Variants in DLG4 observed in about 807,000 individuals in gnomAD.
The protein encoded by DLG4 is disks large homolog 4.
A neutral mutation model predicts 93.8 loss-of-function variants in DLG4; 7 were observed. The ratio of observed to expected loss-of-function variants is 0.07; its 90% CI spans 0.04 to 0.14. The LOEUF is 0.14. Ranked by LOEUF, DLG4 falls within the 10% of genes least tolerant of loss-of-function variation. The pLI is 1.00. For missense variants in DLG4, 545 were observed against 992.9 expected, an observed-to-expected ratio of 0.55 and a Z score of 6.06; for synonymous variants, 341 against 387.6, an observed-to-expected ratio of 0.88 and a Z score of 1.41.
chr17:7,218,846 A>C (rs2071057260), upstream of DLG4: 1 of 1,613,474 alleles, frequency 6.2e-7, no homozygotes, highest in African/African-American at 1.3e-5. Flanking sequence ...GGTCTCTGGG[A>C]CATCTCTCTC....
At position 7,196,286 on chromosome 17, in the gene DLG4, A is replaced by G. The variant is rs1464888412; in HGVS notation, c.1235T>C (p.Met412Thr). ...AGTCCCTGAGCCCAGGCTGCTGTTC[A>G]TGAGCTGTTCCCGAAGGTCGTGGAT... Reference protein sequence around the residue: ...AKIHDLREQLMNSSLGSGTAS... With the variant: ...AKIHDLREQLTNSSLGSGTAS... The change falls in exon 11 of 20, where the codon ATG becomes ACG. Residue 412 changes from methionine to threonine, a missense_variant. Met to Thr is a moderately conservative substitution (Grantham distance 81). Around this residue, in one of 5 missense-constraint regions of DLG4, gnomAD observed 428 missense variants for 741.4 expected, o/e 0.58. Transcript: ENST00000399506. This position sits in a 1 kb window ranked among gnomAD's most constrained non-coding sequence, Gnocchi z 8.3. The G allele has an allele frequency of 6.2e-7, 1 of 1,613,990 alleles. No individual in the cohort carries two copies. The highest frequency in any genetic ancestry group is 1.3e-5 in the African/African-American group (1 of 75,032).
Position 7,191,621 on chromosome 17 carries a change from G to A in DLG4, c.1977-263C>T, listed in dbSNP as rs939540636. The A allele has an allele frequency of 3.4e-6, 2 of 593,454 alleles. No individual in the cohort carries two copies. The highest frequency in any genetic ancestry group is 5.5e-5 in the East Asian group (2 of 36,126). 36.8% of individuals were successfully genotyped at this position (593,454 alleles called of 1,614,324 possible). ...GCCTTCAGCCCCAGAGATGGGATTCGGACTCCAATTCCCAACAGCCCTAGA... is the reference window on the plus strand; with the variant it reads ...GCCTTCAGCCCCAGAGATGGGATTCAGACTCCAATTCCCAACAGCCCTAGA... On this transcript the variant is annotated intron_variant, in intron 18 of 19. Transcript: ENST00000399506. This position sits in a 1 kb window ranked among gnomAD's most constrained non-coding sequence, Gnocchi z 6.6.
In DLG4 at chr17:7,194,202, C is replaced by T. The variant is rs771456357; in HGVS notation, c.1478+117G>A. 6.4e-6 allele frequency: 9 copies of T among 1,416,378 alleles called. No homozygotes were observed. Among genetic ancestry groups the T allele is most frequent in the African/African-American group, 1.4e-5 (1 of 69,966 alleles). The allele number at this position is 1,416,378 out of a possible 1,614,324, so 87.7% of individuals were successfully genotyped here. ...AGCCACGGACCCCAGGAGGGCCCAACAGACAAACCCCTAGGAGTTCAGAGG... is the reference window on the plus strand; with the variant it reads ...AGCCACGGACCCCAGGAGGGCCCAATAGACAAACCCCTAGGAGTTCAGAGG... On this transcript the variant is annotated intron_variant, in intron 12 of 19. Coordinates refer to ENST00000399506, the MANE Select transcript of DLG4 (RefSeq NM_001321075.3). The surrounding 1 kb of genome is among the most constrained non-coding windows in gnomAD (Gnocchi z 4.4).
chr17:7,205,243 T>C, intron 2 of DLG4: 1 of 899,420 alleles, frequency 1.1e-6, no homozygotes, highest in Admixed American at 6.2e-5. Context: ...CTCCCCCCAC[T>C]TCATTCGGGA....
At chr17:7,216,933 G>A (rs2070943289) in intron 1 of DLG4, among the ~76,000 whole-genome samples, 185 bp downstream of exon 1, 2 of 151,950 alleles carry the variant, frequency 1.3e-5, no homozygotes, top group African/African-American at 4.8e-5. Flanking sequence ...GATCACTCCA[G>A]GGGGCACCTG....
chr17:7,208,008 T>G lies in DLG4; in HGVS notation c.96+166A>C, dbSNP rs2142905080. 3.4e-5 allele frequency: 36 copies of G among 1,070,372 alleles called. No homozygotes were observed. Among genetic ancestry groups the G allele is most frequent in the Middle Eastern group, 3.2e-4 (1 of 3,116 alleles). 66.3% of individuals were successfully genotyped at this position (1,070,372 alleles called of 1,614,324 possible). On this transcript the variant is annotated intron_variant, in intron 2 of 19. Coordinates refer to ENST00000399506, the MANE Select transcript of DLG4 (RefSeq NM_001321075.3). The surrounding 1 kb of genome is among the most constrained non-coding windows in gnomAD (Gnocchi z 5.4). ...CGGCTCTCTCTCACCCTACCGGCCC[T>G]TAGGGATTGCTGCAGCTCCGAGGCT...
chr17:7,201,993 A>G (rs571194901), intron 8 of DLG4, among the ~76,000 whole-genome samples: 27 of 152,370 alleles, frequency 1.8e-4, no homozygotes, highest in African/African-American at 6.0e-4. Flanking sequence ...CACCATCTTA[A>G]GGAAAATTTC....
Position 7,187,266 on chromosome 17 carries a change from G to A in DLG4, c.*3442C>T, listed in dbSNP as rs938814855. Among the ~76,000 whole-genome samples, 5 of 147,122 alleles carry A rather than the reference G, an allele frequency of 3.4e-5. No homozygotes were observed. The highest frequency in any genetic ancestry group is 7.4e-5 in the African/African-American group (3 of 40,528). ...ACAAAATAATGCATGCAGGCCAGGC[G>A]CGGTGGCTCATGCCTGTAATCCTAG... On this transcript the variant is annotated 3_prime_UTR_variant, in exon 20 of 20. Coordinates refer to ENST00000399506, the MANE Select transcript of DLG4 (RefSeq NM_001321075.3).
intron 2 of DLG4, chr17:7,205,273 G>T: frequency 1.4e-6 from 1 of 726,388 alleles, no homozygotes; most frequent in Non-Finnish European, 1.7e-6. Flanking sequence ...AGTGGGGCGT[G>T]CCCAGGTCCC....
chr17:7,206,357 A>T (rs2070462847), intron 2 of DLG4, among the ~76,000 whole-genome samples: 1 of 150,648 alleles, frequency 6.6e-6, no homozygotes, highest in African/African-American at 2.5e-5. Flanking sequence ...TTCTCAATCA[A>T]CTCCCCTCTC....
rs1369237010 is a variant in DLG4, at chr17:7,208,339, G to A, written c.31-100C>T. On this transcript the variant is annotated intron_variant, in intron 1 of 19. Coordinates refer to ENST00000399506, the MANE Select transcript of DLG4 (RefSeq NM_001321075.3). This position sits in a 1 kb window ranked among gnomAD's most constrained non-coding sequence, Gnocchi z 5.4. ...CCTCTTCCCCCAGCCAGTGCAGTGCGGAAGGCCCTGGGGCCTGACCAGCTC... is the reference window on the plus strand; with the variant it reads ...CCTCTTCCCCCAGCCAGTGCAGTGCAGAAGGCCCTGGGGCCTGACCAGCTC... 41 of 1,101,320 alleles carry A rather than the reference G, an allele frequency of 3.7e-5. No homozygotes were observed. In the South Asian group the frequency reaches 4.4e-4, roughly 12 times the overall value. The allele number at this position is 1,101,320 out of a possible 1,614,324, so 68.2% of individuals were successfully genotyped here.
Position 7,191,543 on chromosome 17 carries a change from G to A in DLG4, c.1977-185C>T, listed in dbSNP as rs985997827. 1.8e-5 allele frequency: 11 copies of A among 596,222 alleles called. No homozygotes were observed. Among genetic ancestry groups the A allele is most frequent in the Admixed American group, 1.4e-4 (5 of 36,288 alleles). 36.9% of individuals were successfully genotyped at this position (596,222 alleles called of 1,614,324 possible). A position where few individuals can be genotyped will look rare whatever the true frequency, so the allele number is the denominator to read the frequency against. ...CCCCACCCCCCTGCCACCCGCAACC[G>A]CCCCAGCCAGGTGTGGCTACTCCAG... On this transcript the variant is annotated intron_variant, in intron 18 of 19. Transcript: ENST00000399506. This position sits in a 1 kb window ranked among gnomAD's most constrained non-coding sequence, Gnocchi z 6.6.
chr17:7,195,250 G>T lies in DLG4; in HGVS notation c.1302-755C>A, dbSNP rs908698844. Among the ~76,000 whole-genome samples, 1 of 152,192 alleles carries T rather than the reference G, an allele frequency of 6.6e-6. No homozygotes were observed. Among genetic ancestry groups the T allele is most frequent in the African/African-American group, 2.4e-5 (1 of 41,444 alleles). Reference sequence around the variant, plus strand: ...ATGAAGACACAGAAGAAAGCAATGGGCCTGGAGAGGAGGGAGGAGACCCCG... The same window carrying T: ...ATGAAGACACAGAAGAAAGCAATGGTCCTGGAGAGGAGGGAGGAGACCCCG... On this transcript the variant is annotated intron_variant, in intron 11 of 19. Coordinates refer to ENST00000399506, the MANE Select transcript of DLG4 (RefSeq NM_001321075.3). This position sits in a 1 kb window ranked among gnomAD's most constrained non-coding sequence, Gnocchi z 4.3.
In DLG4 at chr17:7,208,878, G is replaced by A. The variant is rs142543739; in HGVS notation, c.31-639C>T. ...CAGAAGGTACTTGGTATCAGCCCCC[G>A]AGACAGGACAAGGCTAAGCCTGTCC... On this transcript the variant is annotated intron_variant, in intron 1 of 19. Transcript: ENST00000399506. This position sits in a 1 kb window ranked among gnomAD's most constrained non-coding sequence, Gnocchi z 5.4. Among the ~76,000 whole-genome samples the A allele has an allele frequency of 2.6e-4, 40 of 152,186 alleles. No homozygotes were observed. The East Asian group carries it at 4.4e-3, about 17-fold the overall frequency.
At chr17:7,213,839 T>G in intron 1 of DLG4, 1 of 471,156 alleles carries the variant, frequency 2.1e-6, no homozygotes, top group Non-Finnish European at 4.4e-6. Flanking sequence ...ATCTGTTACA[T>G]GCGCCCCCAA....
intron 1 of DLG4, among the ~76,000 whole-genome samples, chr17:7,215,154 C>T (rs2070854256): frequency 6.6e-6 from 1 of 152,182 alleles, no homozygotes; most frequent in African/African-American, 2.4e-5. Flanking sequence ...TCTGGTGCCT[C>T]GGGGCCTTAT....
Position 7,217,594 on chromosome 17 carries a change from C to A in DLG4, c.-447G>T. ...TTGGAAACGGCAGCGGCCGAGGGAG[C>A]CGTGGAGCCGAAGAGGGAAGGGGAG... On this transcript the variant is annotated 5_prime_UTR_variant, in exon 1 of 20. Transcript: ENST00000399506. 7.3e-7 allele frequency: 1 copy of A among 1,364,076 alleles called. No homozygotes were observed. Among genetic ancestry groups the A allele is most frequent in the South Asian group, 1.5e-5 (1 of 68,826 alleles). 84.5% of individuals were successfully genotyped at this position (1,364,076 alleles called of 1,614,324 possible). A position where few individuals can be genotyped will look rare whatever the true frequency, so the allele number is the denominator to read the frequency against.
intron 8 of DLG4, among the ~76,000 whole-genome samples, chr17:7,201,458 C>A (rs1050911132): frequency 1.3e-5 from 2 of 152,180 alleles, no homozygotes; most frequent in Non-Finnish European, 2.9e-5. Context: ...TAATATCCCA[C>A]AAGGCACAGA....
intron 1 of DLG4, 108 bp downstream of exon 1, chr17:7,217,006 TCTTA>T (rs2070946864): frequency 9.7e-7 from 1 of 1,033,124 alleles, no homozygotes; most frequent in Non-Finnish European, 1.3e-6. Flanking sequence ...CCCAAATACA[TCTTA>T]CTTCTGATGC....
Sources: gnomAD v4.1 joint callset for allele counts (sites outside exome capture counted in the v4.1 genomes callset) on GRCh38, gnomAD v4.1.1 for gene constraint, gnomAD v4.1.1 regional missense constraint, Gnocchi (gnomAD v3.1) non-coding constraint, MANE v1.5 for transcripts, NCBI Gene and HGNC (gene_info 2026-07-23, HGNC 2026-07-21) for gene names.